LRRC42: variants seen among roughly 807,000 people sequenced by gnomAD.
LRRC42 encodes the protein leucine rich repeat containing 42, also known as leucine-rich repeat-containing protein 42.
LRRC42 carries 43 observed loss-of-function variants against 44.3 expected under a neutral mutation model. The ratio of observed to expected loss-of-function variants is 0.97; its 90% CI spans 0.76 to 1.25. LRRC42 has a LOEUF of 1.25. Among genes scored for constraint, LRRC42 ranks in the 50% most tolerant of loss-of-function variants. LRRC42 has a pLI of 0.00. For synonymous variants in LRRC42, 207 were observed against 195.2 expected, an observed-to-expected ratio of 1.06 and a Z score of -0.50; for missense variants, 540 against 509.1, an observed-to-expected ratio of 1.06 and a Z score of -0.58.
In LRRC42 at chr1:53,968,112, A is replaced by C. The variant is rs1655181114; in HGVS notation, c.*173A>C. ...GCTATGGAAGTATGTAATAATTTCT[A>C]ATGTATATTTTCAATACATAGTAAT... On this transcript the variant is annotated 3_prime_UTR_variant, in exon 9 of 9. Coordinates refer to ENST00000371370, the MANE Select transcript of LRRC42 (RefSeq NM_001256409.2). 1.6e-6 allele frequency: 1 copy of C among 641,402 alleles called. No homozygotes were observed. The highest frequency in any genetic ancestry group is 2.8e-5 in the East Asian group (1 of 35,584). 39.7% of individuals were successfully genotyped at this position (641,402 alleles called of 1,614,324 possible). A position where few individuals can be genotyped will look rare whatever the true frequency, so the allele number is the denominator to read the frequency against.
chr1:53,967,076 A>G (rs543025931), intron 8 of LRRC42, among the ~76,000 whole-genome samples: 1 of 152,368 alleles, frequency 6.6e-6, no homozygotes, highest in East Asian at 1.9e-4. Context: ...ACACTTAAAA[A>G]TGGCTAAAAT....
chr1:53,956,429 A>C (rs1011793559), intron 3 of LRRC42, among the ~76,000 whole-genome samples: 1 of 152,216 alleles, frequency 6.6e-6, no homozygotes, highest in Non-Finnish European at 1.5e-5. Flanking sequence ...TGGAATTTTA[A>C]AATATTGTTT....
Position 53,960,372 on chromosome 1 carries a change from C to G in LRRC42, c.622C>G (p.Leu208Val), listed in dbSNP as rs745362790. The change falls in exon 5 of 9, where the codon CTG becomes GTG. Residue 208 changes from leucine to valine, a missense_variant. By Grantham distance (32) the Leu-to-Val change is conservative. Coordinates refer to ENST00000371370, the MANE Select transcript of LRRC42 (RefSeq NM_001256409.2). Reference sequence around the variant, plus strand: ...TTTCCCTAGTGTAACTCAGCTCCACCTGAAGGATAATTGTTTATCTGATGC... The same window carrying G: ...TTTCCCTAGTGTAACTCAGCTCCACGTGAAGGATAATTGTTTATCTGATGC... ...EALSSVTQLH[L>V]KDNCLSDAGV... 11 of 1,612,718 alleles carry G rather than the reference C, an allele frequency of 6.8e-6. No individual in the cohort carries two copies. Among genetic ancestry groups the G allele is most frequent in the Non-Finnish European group, 3.4e-6 (4 of 1,179,558 alleles).
intron 5 of LRRC42, chr1:53,961,812 A>C (rs144442925): frequency 1.0e-4 from 50 of 488,600 alleles, no homozygotes; most frequent in African/African-American, 9.2e-4. Context: ...CAACTCCTAG[A>C]AAGTAAGAGC....
At chr1:53,967,609 G>A in intron 8 of LRRC42, 56 bp from the exon 9 acceptor site, 1 of 1,522,166 alleles carries the variant, frequency 6.6e-7, no homozygotes, top group Non-Finnish European at 9.0e-7. Flanking sequence ...CTAGACTGAT[G>A]AGGGAATTAG....
chr1:53,949,437 CTGT>C (rs1487116020), intron 2 of LRRC42, among the ~76,000 whole-genome samples: 1 of 152,190 alleles, frequency 6.6e-6, no homozygotes, highest in African/African-American at 2.4e-5. Flanking sequence ...ATTTGTCTTT[CTGT>C]TGTTAAAATC....
Position 53,967,711 on chromosome 1 carries a change from A to G in LRRC42, c.1059A>G (p.Ala353=). The G allele has an allele frequency of 6.2e-7, 1 of 1,614,194 alleles. No individual in the cohort carries two copies. Among genetic ancestry groups the G allele is most frequent in the Non-Finnish European group, 8.5e-7 (1 of 1,180,016 alleles). Residue 353 remains alanine, a synonymous_variant, in exon 9 of 9, where the codon GCA becomes GCG. Coordinates refer to ENST00000371370, the MANE Select transcript of LRRC42 (RefSeq NM_001256409.2). ...AAGCCCCACTGAAGTGTCCCCTGGCAGACACCCACATGAACTCTTCCGAGA... is the reference window on the plus strand; with the variant it reads ...AAGCCCCACTGAAGTGTCCCCTGGCGGACACCCACATGAACTCTTCCGAGA... ...RAEAPLKCPL[A]DTHMNSSEKL... is the part of the protein sequence containing the mutation.
At chr1:53,962,483 G>A in intron 7 of LRRC42, 74 bp downstream of exon 7, 1 of 906,836 alleles carries the variant, frequency 1.1e-6, no homozygotes, top group Non-Finnish European at 1.8e-6. Context: ...CCAACACATT[G>A]AATAAACAGT....
chr1:53,954,158 T>C (rs2100920779), intron 3 of LRRC42, among the ~76,000 whole-genome samples: 1 of 152,314 alleles, frequency 6.6e-6, no homozygotes, highest in South Asian at 2.1e-4. Context: ...AAAGGAGAAA[T>C]GATCTTTATT....
At chr1:53,962,478 A>G (rs1655024144) in intron 7 of LRRC42, 69 bp downstream of exon 7, 1 of 950,244 alleles carries the variant, frequency 1.1e-6, no homozygotes, top group Non-Finnish European at 1.7e-6. Flanking sequence ...CTTATCCAAC[A>G]CATTGAATAA....
intron 1 of LRRC42, among the ~76,000 whole-genome samples, chr1:53,946,892 C>T (rs145527845): frequency 5.4e-5 from 7 of 129,538 alleles, no homozygotes; most frequent in Non-Finnish European, 7.8e-5. Flanking sequence ...AAGGAGGAAA[C>T]GAGATAGGAT....
At position 53,967,698 on chromosome 1, in the gene LRRC42, A is replaced by G. The variant is rs1479519188; in HGVS notation, c.1046A>G (p.Lys349Arg). The G allele has an allele frequency of 1.1e-5, 17 of 1,614,046 alleles. No homozygotes were observed. The highest frequency in any genetic ancestry group is 1.4e-5 in the Non-Finnish European group (17 of 1,180,028). Reference sequence around the variant, plus strand: ...CGGTCTCGAGCAGAAGCCCCACTGAAGTGTCCCCTGGCAGACACCCACATG... The same window carrying G: ...CGGTCTCGAGCAGAAGCCCCACTGAGGTGTCCCCTGGCAGACACCCACATG... Reference protein sequence around the residue: ...GKRSRAEAPLKCPLADTHMNS... With the variant: ...GKRSRAEAPLRCPLADTHMNS... The change falls in exon 9 of 9, where the codon AAG becomes AGG. Residue 349 changes from lysine (K) to arginine (R), a missense_variant. Lys to Arg is a conservative substitution (Grantham distance 26, BLOSUM62 2). Transcript: ENST00000371370.
At chr1:53,958,636 G>C (rs183935386) in intron 4 of LRRC42, among the ~76,000 whole-genome samples, 70 of 152,068 alleles carry the variant, frequency 4.6e-4, no homozygotes, top group Non-Finnish European at 2.1e-4. Flanking sequence ...ACCCAGGCTG[G>C]AGTGCAATGG....
At chr1:53,948,592 C>G (rs778453461) in intron 2 of LRRC42, among the ~76,000 whole-genome samples, 2 of 152,180 alleles carry the variant, frequency 1.3e-5, no homozygotes, top group Non-Finnish European at 2.9e-5. Flanking sequence ...ATCAAAATGT[C>G]GCTGTTACTC....
At position 53,951,988 on chromosome 1, in the gene LRRC42, G is replaced by A; in HGVS notation, c.-12G>A. 6.2e-7 allele frequency: 1 copy of A among 1,604,936 alleles called. No homozygotes were observed. The highest frequency in any genetic ancestry group is 2.2e-5 in the East Asian group (1 of 44,786). ...TTCCCTGTGCCTTGCTTTTACAGTT[G>A]CAACCAAGGCAATGTCTTACTACCT... is the stretch of plus-strand genomic sequence containing the variant. On this transcript the variant is annotated splice_region_variant and 5_prime_UTR_variant, in exon 3 of 9. Transcript: ENST00000371370.
chr1:53,967,516 C>T (rs1047810813), intron 8 of LRRC42, 149 bp from the exon 9 acceptor site: 11 of 718,158 alleles, frequency 1.5e-5, no homozygotes, highest in African/African-American at 7.1e-5. Context: ...CACACCACAG[C>T]GACCTCACAG....
At position 53,967,987 on chromosome 1, in the gene LRRC42, G is replaced by A. The variant is rs767709609; in HGVS notation, c.*48G>A. On this transcript the variant is annotated 3_prime_UTR_variant, in exon 9 of 9. Coordinates refer to ENST00000371370, the MANE Select transcript of LRRC42 (RefSeq NM_001256409.2). ...TCTCTGGCCCCCAGCTCTAGTGTTT[G>A]AGTAAAGGAGACTGAGGATGATTTA... 6.4e-7 allele frequency: 1 copy of A among 1,562,498 alleles called. No homozygotes were observed. The highest frequency in any genetic ancestry group is 8.7e-7 in the Non-Finnish European group (1 of 1,150,294).
At chr1:53,960,931 C>T (rs879910300) in intron 5 of LRRC42, among the ~76,000 whole-genome samples, 4 of 152,128 alleles carry the variant, frequency 2.6e-5, no homozygotes, top group African/African-American at 4.8e-5. Context: ...AGATCATTTA[C>T]AATTTAACCG....
At chr1:53,954,571 C>G (rs1432020857) in intron 3 of LRRC42, among the ~76,000 whole-genome samples, 1 of 152,184 alleles carries the variant, frequency 6.6e-6, no homozygotes, top group Non-Finnish European at 1.5e-5. Flanking sequence ...ATTAAAAAAT[C>G]CATAATCCCA....
Sources: allele counts gnomAD v4.1 joint callset (sites outside exome capture counted in the v4.1 genomes callset), GRCh38; gene constraint gnomAD v4.1.1; transcripts MANE v1.5; gene names NCBI Gene and HGNC (gene_info 2026-07-23, HGNC 2026-07-21).